COPA: variants seen among roughly 807,000 people sequenced by gnomAD.
COPA encodes coatomer subunit alpha.
Under a neutral mutation model 158.7 loss-of-function variants are expected in COPA, and 10 were observed. That is an observed-to-expected ratio of 0.06 (90% CI 0.04 to 0.11). The LOEUF is 0.11. Ranked by LOEUF, COPA falls within the 10% of genes least tolerant of loss-of-function variation. The probability of loss-of-function intolerance (pLI) is 1.00; values close to 1 mark genes in which losing one functional copy is unlikely to be tolerated. For synonymous variants in COPA, 462 were observed against 542.8 expected (o/e 0.85, Z 2.07); for missense variants, 1,065 against 1,536.7 (o/e 0.69, Z 5.13).
intron 3 of COPA, among the ~76,000 whole-genome samples, chr1:160,337,271 C>T (rs1310569299): frequency 6.6e-6 from 1 of 152,154 alleles, no homozygotes; most frequent in Non-Finnish European, 1.5e-5. Context: ...TGCTGGGCTC[C>T]TTGTCTTACT....
intron 12 of COPA, among the ~76,000 whole-genome samples, chr1:160,309,789 T>C (rs1470892948): frequency 6.8e-6 from 1 of 147,324 alleles, no homozygotes; most frequent in Non-Finnish European, 1.5e-5. Flanking sequence ...CAGAGAGGAG[T>C]CATTGATGAC....
intron 25 of COPA, 70 bp downstream of exon 25, chr1:160,294,414 G>C (rs2101824000): frequency 7.5e-7 from 1 of 1,332,236 alleles, no homozygotes; most frequent in African/African-American, 1.4e-5. Flanking sequence ...TAGTGGTAGG[G>C]GACAATAAGG....
Position 160,313,152 on chromosome 1 carries a change from A to T in COPA, c.858T>A (p.Thr286=). 1.2e-6 allele frequency: 2 copies of T among 1,614,162 alleles called. No homozygotes were observed. Among genetic ancestry groups the T allele is most frequent in the Non-Finnish European group, 1.7e-6 (2 of 1,180,014 alleles). ...WDMSKRTGVQ[T]FRRDHDRFWV... is the part of the protein sequence containing the mutation. ...AGAAACGATCATGGTCTCTGCGGAAAGTCTGAACCCCAGTCCTAGAAAAGG... is the reference window on the plus strand; with the variant it reads ...AGAAACGATCATGGTCTCTGCGGAATGTCTGAACCCCAGTCCTAGAAAAGG... The change falls in exon 10 of 33, where the codon ACT becomes ACA. Residue 286 remains threonine (T), a synonymous_variant. Transcript: ENST00000241704.
intron 8 of COPA, among the ~76,000 whole-genome samples, chr1:160,318,331 A>T (rs1480450014): frequency 6.6e-6 from 1 of 151,934 alleles, no homozygotes; most frequent in Non-Finnish European, 1.5e-5. Context: ...TTTCATTAGC[A>T]ATTAATAAAG....
At position 160,343,203 on chromosome 1, in the gene COPA, G is replaced by C. The variant is rs377336898; in HGVS notation, c.-33C>G. The C allele has an allele frequency of 1.6e-5, 26 of 1,614,034 alleles. No individual in the cohort carries two copies. The highest frequency in any genetic ancestry group is 3.3e-4 in the Middle Eastern group (2 of 6,062). The stretch of plus-strand genomic sequence containing the variant: ...GTCTCCGACTCCGATGTCTTAATCC[G>C]AGCCCCGACACACCCTGCTGCCCTT... On this transcript the variant is annotated 5_prime_UTR_variant, in exon 1 of 33. Transcript: ENST00000241704.
chr1:160,295,907 C>T, intron 22 of COPA, 48 bp from the exon 23 acceptor site: 1 of 1,583,176 alleles, frequency 6.3e-7, no homozygotes, highest in African/African-American at 1.4e-5. Flanking sequence ...ACTTGGAAGT[C>T]ACGTAAGGAA....
chr1:160,332,698 G>C, intron 5 of COPA, 141 bp from the exon 6 acceptor site: 1 of 511,172 alleles, frequency 2.0e-6, no homozygotes, highest in Non-Finnish European at 3.4e-6. Context: ...TACCAATTCT[G>C]AACTAATAAT....
At chr1:160,318,295 T>C (rs1386233918) in intron 8 of COPA, among the ~76,000 whole-genome samples, 1 of 151,736 alleles carries the variant, frequency 6.6e-6, no homozygotes, top group Admixed American at 6.6e-5. Context: ...AAAAATCTTG[T>C]CAGAAGATCC....
chr1:160,291,611 A>C, intron 30 of COPA, 115 bp from the exon 31 acceptor site: 1 of 1,322,924 alleles, frequency 7.6e-7, no homozygotes. Flanking sequence ...ATGGGCTATA[A>C]AGCTGAGAGG....
chr1:160,335,172 A>G (rs933314906), intron 4 of COPA, 70 bp downstream of exon 4: 18 of 1,382,122 alleles, frequency 1.3e-5, no homozygotes, highest in Non-Finnish European at 1.7e-5. Flanking sequence ...ATGGGTTCTC[A>G]AGGATCAAAT....
chr1:160,339,329 C>G (rs915794128), intron 3 of COPA: 1 of 152,168 alleles, frequency 6.6e-6, no homozygotes, highest in Non-Finnish European at 1.5e-5. Flanking sequence ...TAATTACCAC[C>G]AAGTAATCAT....
intron 18 of COPA, 41 bp from the exon 19 acceptor site, chr1:160,299,032 C>T: frequency 6.2e-7 from 1 of 1,606,924 alleles, no homozygotes; most frequent in Non-Finnish European, 8.5e-7. Flanking sequence ...GTAGACATCA[C>T]TTACAGGAAA....
chr1:160,298,926 C>T lies in COPA; in HGVS notation c.1896G>A (p.Lys632=). The change falls in exon 19 of 33, where the codon AAG becomes AAA. Residue 632 remains lysine, a synonymous_variant. Transcript: ENST00000241704. ...GQSIIAYLQK[K]GYPEVALHFV... ...AATGCAGTGCCACTTCAGGATAGCCCTTCTTCTGGAGATAAGCAATAATAG... is the reference window on the plus strand; with the variant it reads ...AATGCAGTGCCACTTCAGGATAGCCTTTCTTCTGGAGATAAGCAATAATAG... 6.2e-7 allele frequency: 1 copy of T among 1,614,132 alleles called. No individual in the cohort carries two copies. Among genetic ancestry groups the T allele is most frequent in the Non-Finnish European group, 8.5e-7 (1 of 1,180,034 alleles).
At position 160,314,067 on chromosome 1, in the gene COPA, G is replaced by T. The variant is rs774521461; in HGVS notation, c.765C>A (p.Ala255=). ...TCAACTCTTGGCGAGGGTGGAAGACGGCACAAGATACATTGTTGTAATGGC... is the reference window on the plus strand; with the variant it reads ...TCAACTCTTGGCGAGGGTGGAAGACTGCACAAGATACATTGTTGTAATGGC... ...CRGHYNNVSC[A]VFHPRQELIL... is the part of the protein sequence containing the mutation. The change falls in exon 9 of 33, where the codon GCC becomes GCA. Residue 255 remains alanine (A), a synonymous_variant. Coordinates refer to ENST00000241704, the MANE Select transcript of COPA (RefSeq NM_004371.4). The T allele has an allele frequency of 6.2e-7, 1 of 1,613,776 alleles. No individual in the cohort carries two copies. The highest frequency in any genetic ancestry group is 8.5e-7 in the Non-Finnish European group (1 of 1,179,896).
rs1438520633 is a variant in COPA at position 160,295,802 on chromosome 1, A to G, written c.2410T>C (p.Leu804=). 6 of 1,613,500 alleles carry G rather than the reference A, an allele frequency of 3.7e-6. No homozygotes were observed. Among genetic ancestry groups the G allele is most frequent in the South Asian group, 1.1e-5 (1 of 90,962 alleles). The change falls in exon 23 of 33, where the codon TTG becomes CTG. Residue 804 remains leucine, a synonymous_variant. Transcript: ENST00000241704. ...LLQPPAPIMP[L]DTNWPLLTVS... is the part of the protein sequence containing the mutation. ...GTCAATAAAGGCCAATTGGTATCCA[A>G]TGGCATGATAGGTGCAGGTGGCTGG...
At chr1:160,340,405 C>T (rs966104326) in intron 1 of COPA, 111 bp from the exon 2 acceptor site, 20 of 673,948 alleles carry the variant, frequency 3.0e-5, no homozygotes, top group African/African-American at 3.6e-5. Flanking sequence ...TTCATTCATT[C>T]GACATGCTTG....
intron 25 of COPA, among the ~76,000 whole-genome samples, chr1:160,293,896 T>C (rs1385022932): frequency 2.6e-5 from 4 of 152,150 alleles, no homozygotes; most frequent in African/African-American, 9.7e-5. Flanking sequence ...AGAGGGGTGA[T>C]AGTTGTGGGA....
chr1:160,323,491 T>A lies in COPA; in HGVS notation c.646A>T (p.Thr216Ser), dbSNP rs530428285. 1.9e-6 allele frequency: 3 copies of A among 1,610,908 alleles called. No homozygotes were observed. Among genetic ancestry groups the A allele is most frequent in the Non-Finnish European group, 2.5e-6 (3 of 1,178,242 alleles). Residue 216 changes from threonine to serine, a missense_variant, in exon 8 of 33, where the codon ACT becomes TCT. Thr to Ser is a moderately conservative substitution (Grantham distance 58, BLOSUM62 1). This residue lies in a region of COPA where 980 missense variants were observed against 1,357.8 expected (regional missense o/e 0.72). Transcript: ENST00000241704. ...GCCCCAGATACAATAAGGGGCATAG[T>A]GGGGTGGAAGGCAGCCCAGTTTACT... ...RGVNWAAFHP[T>S]MPLIVSGADD...
chr1:160,321,473 G>A (rs944945346), intron 8 of COPA, among the ~76,000 whole-genome samples: 6 of 152,136 alleles, frequency 3.9e-5, no homozygotes, highest in Non-Finnish European at 7.4e-5. Flanking sequence ...CCAGCTGCGG[G>A]ATACAAAATC....
Sources: gnomAD v4.1 joint callset for allele counts (sites outside exome capture counted in the v4.1 genomes callset) on GRCh38, gnomAD v4.1.1 for gene constraint, gnomAD v4.1.1 regional missense constraint, MANE v1.5 for transcripts, NCBI Gene and HGNC (gene_info 2026-07-23, HGNC 2026-07-21) for gene names.